CLIC5: variants seen among roughly 807,000 people sequenced by gnomAD.
CLIC5 encodes the protein chloride intracellular channel protein 5.
A neutral mutation model predicts 24.7 loss-of-function variants in CLIC5; 20 were observed. The ratio of observed to expected loss-of-function variants is 0.81; its 90% CI spans 0.57 to 1.18. The LOEUF is 1.18. CLIC5 is among the 50% of genes most tolerant of loss of function. The pLI, the probability that CLIC5 is intolerant of heterozygous loss-of-function variation, is 0.00. For synonymous variants in CLIC5, 159 were observed against 135.6 expected (o/e 1.17, Z -1.20); for missense variants, 341 against 326.1 (o/e 1.05, Z -0.35).
chr6:45,954,237 C>T (rs1283734020), intron 2 of CLIC5, among the ~76,000 whole-genome samples: 1 of 139,410 alleles, frequency 7.2e-6, no homozygotes, highest in African/African-American at 2.7e-5. Context: ...CGTACCACTG[C>T]ACTCCAGCCT....
intron 1 of CLIC5, among the ~76,000 whole-genome samples, chr6:45,967,420 A>G (rs1192175256): frequency 6.6e-6 from 1 of 152,222 alleles, no homozygotes; most frequent in Non-Finnish European, 1.5e-5. Context: ...TGGGGACAGG[A>G]AGGAGCCCAC....
the CLIC5 span, among the ~76,000 whole-genome samples, chr6:46,100,692 G>A: frequency 1.3e-5 from 2 of 152,150 alleles, no homozygotes; most frequent in South Asian, 2.1e-4. Flanking sequence ...TAGTCATAAT[G>A]TAAGAAATTA....
chr6:46,121,618 T>A, the CLIC5 span, among the ~76,000 whole-genome samples: 2 of 152,298 alleles, frequency 1.3e-5, no homozygotes, highest in East Asian at 3.9e-4. Context: ...AATGCTCCAA[T>A]TAAAAGACAC....
At chr6:46,083,098 A>G (rs9395152), upstream of CLIC5, among the ~76,000 whole-genome samples, 24,429 of 152,268 alleles carry the variant, frequency 0.16, 2,204 homozygotes, top group South Asian at 0.34. Context: ...CTATTTTTTC[A>G]CGTTGCTATA....
Position 46,015,710 on chromosome 6 carries a change from G to T in CLIC5, c.-168C>A. On this transcript the variant is annotated 5_prime_UTR_variant, in exon 1 of 6. Coordinates refer to ENST00000339561, the MANE Select transcript of CLIC5 (RefSeq NM_016929.5). ...CCAGCCCGAGCAGCGGGGTCTGAGA[G>T]ATCAGTGTCCCAGATGCTCACATGA... 2 of 1,273,682 alleles carry T rather than the reference G, an allele frequency of 1.6e-6. No homozygotes were observed. Among genetic ancestry groups the T allele is most frequent in the East Asian group, 6.3e-5 (2 of 31,914 alleles). 78.9% of individuals were successfully genotyped at this position (1,273,682 alleles called of 1,614,324 possible).
chr6:45,921,134 G>A (rs554005309), intron 4 of CLIC5, among the ~76,000 whole-genome samples: 1 of 152,286 alleles, frequency 6.6e-6, no homozygotes, highest in East Asian at 1.9e-4. Flanking sequence ...TTTCTCATCC[G>A]CAGTGACCTT....
chr6:46,061,349 C>T (rs1015925007), intron 1 of CLIC5, among the ~76,000 whole-genome samples: 24 of 152,166 alleles, frequency 1.6e-4, no homozygotes, highest in Non-Finnish European at 2.8e-4. Context: ...ACCACCATGC[C>T]TGGCTGATGT....
intron 1 of CLIC5, among the ~76,000 whole-genome samples, chr6:46,059,235 G>C (rs1762167502): frequency 6.6e-6 from 1 of 152,178 alleles, no homozygotes; most frequent in Admixed American, 6.6e-5. Context: ...TATCCTTCTG[G>C]AGAGATAATC....
intron 1 of CLIC5, among the ~76,000 whole-genome samples, chr6:45,998,310 G>T (rs1766226107): frequency 6.6e-6 from 1 of 152,228 alleles, no homozygotes. Flanking sequence ...TTAGGACACT[G>T]CTCAGAGGAG....
chr6:46,100,534 G>T, the CLIC5 span, among the ~76,000 whole-genome samples: 1 of 152,108 alleles, frequency 6.6e-6, no homozygotes, highest in Non-Finnish European at 1.5e-5. Context: ...CCTCCCAGCC[G>T]AAATGCCACT....
At chr6:46,006,259 C>A in intron 1 of CLIC5, among the ~76,000 whole-genome samples, 1 of 150,686 alleles carries the variant, frequency 6.6e-6, no homozygotes, top group Non-Finnish European at 1.5e-5. Flanking sequence ...ATTCTCCTGC[C>A]TCAACTTCCT....
rs183145168 is a variant in CLIC5, at chr6:45,913,663, G to A, written c.588+565C>T. The A allele has an allele frequency of 2.6e-4, 161 of 607,592 alleles. No homozygotes were observed. In the African/African-American group the frequency reaches 3.0e-3, roughly 11 times the overall value. 37.6% of individuals were successfully genotyped at this position (607,592 alleles called of 1,614,324 possible). ...TCCCAGGGTTTGTTATATAGGAGAGGATGACACTACATGCTGCAAATGGTT... is the reference window on the plus strand; with the variant it reads ...TCCCAGGGTTTGTTATATAGGAGAGAATGACACTACATGCTGCAAATGGTT... On this transcript the variant is annotated intron_variant, in intron 5 of 5. Transcript: ENST00000339561.
intron 4 of CLIC5, among the ~76,000 whole-genome samples, chr6:45,914,851 T>C (rs796750568): frequency 1.0e-4 from 15 of 149,794 alleles, no homozygotes; most frequent in African/African-American, 3.7e-4. Flanking sequence ...CTCGGGAGGC[T>C]GAGGCAAGAG....
At chr6:45,938,743 T>C (rs893697174) in intron 4 of CLIC5, among the ~76,000 whole-genome samples, 3 of 152,162 alleles carry the variant, frequency 2.0e-5, no homozygotes, top group Admixed American at 6.5e-5. Flanking sequence ...GTAAACACCA[T>C]TTATAATTTT....
At chr6:45,891,418 A>G (rs1227994396) in intron 6 of CLIC5, among the ~76,000 whole-genome samples, 7 of 152,162 alleles carry the variant, frequency 4.6e-5, no homozygotes, top group Admixed American at 1.3e-4. Flanking sequence ...TGGGTGGATC[A>G]TGAGGTCAAG....
At chr6:45,892,958 T>A (rs1762365914) in intron 6 of CLIC5, among the ~76,000 whole-genome samples, 1 of 152,196 alleles carries the variant, frequency 6.6e-6, no homozygotes, top group Non-Finnish European at 1.5e-5. Flanking sequence ...TAAAATAGTC[T>A]CCAGTGGGCA....
At chr6:46,079,317 T>C (rs1213313518) in intron 1 of CLIC5, among the ~76,000 whole-genome samples, 1 of 152,224 alleles carries the variant, frequency 6.6e-6, no homozygotes, top group Non-Finnish European at 1.5e-5. Flanking sequence ...AGAAGGTCTT[T>C]CTTTCACAAG....
At chr6:45,994,902 A>G (rs9463161) in intron 1 of CLIC5, among the ~76,000 whole-genome samples, 5,085 of 152,324 alleles carry the variant, frequency 0.033, 280 homozygotes, top group African/African-American at 0.11. Flanking sequence ...GAACTAATAT[A>G]TTTATAAATA....
upstream of CLIC5, among the ~76,000 whole-genome samples, chr6:46,019,275 A>T (rs1215084480): frequency 6.6e-6 from 1 of 152,234 alleles, no homozygotes; most frequent in African/African-American, 2.4e-5. Context: ...GTTGGATTGC[A>T]TAAAAAAGCA....
Sources: allele counts gnomAD v4.1 joint callset (sites outside exome capture counted in the v4.1 genomes callset), GRCh38; gene constraint gnomAD v4.1.1; transcripts MANE v1.5; gene names NCBI Gene and HGNC (gene_info 2026-07-23, HGNC 2026-07-21).